The following MLLT3 variants were observed in gnomAD, a reference collection of about 807,000 sequenced individuals.
MLLT3 encodes MLLT3 super elongation complex subunit.
Under a neutral mutation model 53.2 loss-of-function variants are expected in MLLT3, and 4 were observed. The ratio of observed to expected loss-of-function variants is 0.08; its 90% confidence interval spans 0.04 to 0.17. MLLT3 has a LOEUF of 0.17. MLLT3 is among the 10% of genes least tolerant of loss of function. The pLI is 1.00. For synonymous variants in MLLT3, 283 were observed against 230.6 expected (o/e 1.23, Z -2.06); for missense variants, 569 against 684.0 (o/e 0.83, Z 1.87).
intron 4 of MLLT3, among the ~76,000 whole-genome samples, chr9:20,418,000 A>T (rs1268970322): frequency 1.3e-5 from 2 of 152,144 alleles, no homozygotes; most frequent in South Asian, 4.1e-4. Flanking sequence ...GTTCTACTTT[A>T]ACTGGCTTCT....
At chr9:20,488,411 A>G (rs1586988622) in intron 2 of MLLT3, among the ~76,000 whole-genome samples, 3 of 152,250 alleles carry the variant, frequency 2.0e-5, no homozygotes, top group South Asian at 4.1e-4. Context: ...CTAATAATCA[A>G]ACTGATAATC....
chr9:20,532,291 G>GA (rs535194351), intron 2 of MLLT3, among the ~76,000 whole-genome samples: 87 of 145,328 alleles, frequency 6.0e-4, no homozygotes, highest in Non-Finnish European at 1.2e-3. Context: ...ATACATTATG[G>GA]AAAAATGTAA....
At chr9:20,453,144 A>G (rs1266988747) in intron 3 of MLLT3, among the ~76,000 whole-genome samples, 8 of 152,252 alleles carry the variant, frequency 5.3e-5, no homozygotes, top group Admixed American at 4.6e-4. Context: ...TGGCAAAGCA[A>G]TAATTCCTTT....
intron 9 of MLLT3, among the ~76,000 whole-genome samples, chr9:20,354,110 C>T (rs1821104656): frequency 6.6e-6 from 1 of 152,242 alleles, no homozygotes; most frequent in Middle Eastern, 3.4e-3. Context: ...GCTTCCTGGT[C>T]ATACCAAACA....
chr9:20,622,441 TC>T lies in MLLT3; in HGVS notation c.-186del. 1 of 560,286 alleles carries T rather than the reference TC, an allele frequency of 1.8e-6. No individual in the cohort carries two copies. Among genetic ancestry groups the T allele is most frequent in the Middle Eastern group, 4.1e-4 (1 of 2,456 alleles). The allele number at this position is 560,286 out of a possible 1,614,324, so 34.7% of individuals were successfully genotyped here. On this transcript the variant is annotated 5_prime_UTR_variant, in exon 1 of 11. Transcript: ENST00000380338. ...TTGCTCGCTCGCTCGCTTATTAAAC[TC>T]AGCCCCAAAAGCAAAAGCAGCAGCA... is the stretch of plus-strand genomic sequence containing the variant.
chr9:20,506,468 T>C (rs1260749549), intron 2 of MLLT3, among the ~76,000 whole-genome samples: 1 of 142,200 alleles, frequency 7.0e-6, no homozygotes, highest in Admixed American at 7.5e-5. Context: ...AAGTAAATGC[T>C]TTTTTTTTTT....
At chr9:20,532,940 C>A in intron 2 of MLLT3, 1 of 266,170 alleles carries the variant, frequency 3.8e-6, no homozygotes, top group African/African-American at 2.3e-5. Flanking sequence ...GGCACATCCC[C>A]ACTAAGAGAT....
chr9:20,471,877 A>C (rs1462671624), intron 2 of MLLT3, among the ~76,000 whole-genome samples: 1 of 151,864 alleles, frequency 6.6e-6, no homozygotes, highest in Non-Finnish European at 1.5e-5. Context: ...GATGTGGATA[A>C]TACACTTTTA....
intron 4 of MLLT3, among the ~76,000 whole-genome samples, chr9:20,426,654 T>C (rs142215278): frequency 3.9e-4 from 60 of 152,250 alleles, no homozygotes; most frequent in African/African-American, 1.4e-3. Flanking sequence ...CTGAAACTGT[T>C]AAATACTATG....
At chr9:20,614,025 G>C (rs954185156) in intron 2 of MLLT3, among the ~76,000 whole-genome samples, 1 of 152,140 alleles carries the variant, frequency 6.6e-6, no homozygotes, top group Non-Finnish European at 1.5e-5. Flanking sequence ...TGTCATACCA[G>C]AAAAATCCAA....
At chr9:20,610,722 T>C (rs1451256327) in intron 2 of MLLT3, among the ~76,000 whole-genome samples, 3 of 152,064 alleles carry the variant, frequency 2.0e-5, no homozygotes, top group Non-Finnish European at 4.4e-5. Context: ...AGATAACATA[T>C]ACAAAGAGAA....
intron 5 of MLLT3, among the ~76,000 whole-genome samples, chr9:20,374,578 A>G (rs1449661141): frequency 6.6e-6 from 1 of 152,262 alleles, no homozygotes; most frequent in Non-Finnish European, 1.5e-5. Flanking sequence ...TAACCTAACA[A>G]TCTATGCACT....
chr9:20,556,019 A>G lies in MLLT3; in HGVS notation c.193+64635T>C, dbSNP rs577229790. ...AATACTCCCTTTTTCATTTTTGACAAGTTTTTTCAGTGCCTGCATCTTACA... is the reference window on the plus strand; with the variant it reads ...AATACTCCCTTTTTCATTTTTGACAGGTTTTTTCAGTGCCTGCATCTTACA... On this transcript the variant is annotated intron_variant, in intron 2 of 10. Coordinates refer to ENST00000380338, the MANE Select transcript of MLLT3 (RefSeq NM_004529.4). Among the ~76,000 whole-genome samples, 7 of 152,308 alleles carry G rather than the reference A, an allele frequency of 4.6e-5. No individual in the cohort carries two copies. In the East Asian group the frequency reaches 1.3e-3, roughly 29 times the overall value.
chr9:20,555,613 T>C (rs1400188346), intron 2 of MLLT3, among the ~76,000 whole-genome samples: 2 of 152,202 alleles, frequency 1.3e-5, no homozygotes, highest in Non-Finnish European at 2.9e-5. Context: ...AACTTCCTTG[T>C]AAAATAATAT....
At position 20,440,206 on chromosome 9, in the gene MLLT3, C is replaced by T. The variant is rs142735426; in HGVS notation, c.420+7917G>A. ...CAAACCTAAGCCCAAGGTAAATTAGCAGCAGATCCTACAATTGAATTTGTG... is the reference window on the plus strand; with the variant it reads ...CAAACCTAAGCCCAAGGTAAATTAGTAGCAGATCCTACAATTGAATTTGTG... On this transcript the variant is annotated intron_variant, in intron 4 of 10. Coordinates refer to ENST00000380338, the MANE Select transcript of MLLT3 (RefSeq NM_004529.4). Among the ~76,000 whole-genome samples, 625 of 152,272 alleles carry T rather than the reference C, an allele frequency of 4.1e-3. 4 individuals carry two copies. The highest frequency in any genetic ancestry group is 0.014 in the African/African-American group (600 of 41,570).
chr9:20,397,619 C>G (rs964378023), intron 5 of MLLT3, among the ~76,000 whole-genome samples: 2 of 152,106 alleles, frequency 1.3e-5, no homozygotes, highest in African/African-American at 4.8e-5. Flanking sequence ...ACCCATCAAT[C>G]TATATTTACC....
chr9:20,591,454 C>T (rs899586037), intron 2 of MLLT3, among the ~76,000 whole-genome samples: 10 of 152,156 alleles, frequency 6.6e-5, no homozygotes, highest in African/African-American at 2.4e-4. Context: ...AACGACTCAG[C>T]CTGGCCCACA....
At chr9:20,473,393 G>C (rs1252891395) in intron 2 of MLLT3, among the ~76,000 whole-genome samples, 2 of 151,986 alleles carry the variant, frequency 1.3e-5, no homozygotes, top group Non-Finnish European at 2.9e-5. Context: ...TGTTAATAAT[G>C]TTGAGTTTCA....
At chr9:20,431,566 T>C (rs1162171863) in intron 4 of MLLT3, among the ~76,000 whole-genome samples, 1 of 152,168 alleles carries the variant, frequency 6.6e-6, no homozygotes, top group African/African-American at 2.4e-5. Flanking sequence ...TCCATGCATA[T>C]TTATTTATGT....
Sources: allele counts gnomAD v4.1 joint callset (sites outside exome capture counted in the v4.1 genomes callset), GRCh38; gene constraint gnomAD v4.1.1; transcripts MANE v1.5; gene names NCBI Gene and HGNC (gene_info 2026-07-23, HGNC 2026-07-21).